GADL1: variants seen among roughly 807,000 people sequenced by gnomAD.
The protein encoded by GADL1 is acidic amino acid decarboxylase GADL1.
GADL1 carries 71 observed loss-of-function variants against 69.5 expected under a neutral mutation model. The observed-to-expected ratio is 1.02, with a 90% CI of 0.84 to 1.25. The LOEUF (loss-of-function observed/expected upper bound fraction) is 1.25. Among genes scored for constraint, GADL1 ranks in the 50% most tolerant of loss-of-function variants. The pLI is 0.00. For synonymous variants in GADL1, 254 were observed against 214.4 expected (o/e 1.18, Z -1.62); for missense variants, 737 against 631.8 (o/e 1.17, Z -1.79).
intron 14 of GADL1, among the ~76,000 whole-genome samples, chr3:30,749,932 C>T (rs1466104460): frequency 6.6e-6 from 1 of 152,124 alleles, no homozygotes; most frequent in Non-Finnish European, 1.5e-5. Flanking sequence ...TATTCTACAG[C>T]CAATGATGAG....
intron 11 of GADL1, among the ~76,000 whole-genome samples, chr3:30,819,015 G>A (rs1281717373): frequency 1.3e-5 from 2 of 152,046 alleles, no homozygotes; most frequent in African/African-American, 4.8e-5. Context: ...CAGGAACACA[G>A]GGGGCTATCC....
chr3:30,766,129 T>C (rs1481191724), intron 14 of GADL1, among the ~76,000 whole-genome samples: 1 of 152,166 alleles, frequency 6.6e-6, no homozygotes, highest in Non-Finnish European at 1.5e-5. Context: ...AAAGACTGCA[T>C]CATTCCCCAT....
At chr3:30,814,390 C>T (rs974279291) in intron 11 of GADL1, among the ~76,000 whole-genome samples, 4 of 152,180 alleles carry the variant, frequency 2.6e-5, no homozygotes, top group East Asian at 3.9e-4. Flanking sequence ...CAAGTGAGTA[C>T]ACCTTATATA....
Position 30,728,322 on chromosome 3 carries a change from C to T in GADL1, c.1486G>A (p.Val496Met). The T allele has an allele frequency of 6.2e-7, 1 of 1,613,932 alleles. No individual in the cohort carries two copies. The highest frequency in any genetic ancestry group is 8.5e-7 in the Non-Finnish European group (1 of 1,179,868). The stretch of plus-strand genomic sequence containing the variant: ...CGGCTCACTTGAGGGCTGATCACCA[C>T]CTGGCGGAAGAAGTTGACCTTTCCC... ...HRGKVNFFRQ[V>M]VISPQVSRED... The change falls in exon 15 of 15, where the codon GTG becomes ATG. Residue 496 changes from valine (V) to methionine (M), a missense_variant. Coordinates refer to ENST00000282538, the MANE Select transcript of GADL1 (RefSeq NM_207359.3).
intron 14 of GADL1, among the ~76,000 whole-genome samples, chr3:30,774,393 AAT>A (rs1185403400): frequency 6.6e-6 from 1 of 152,182 alleles, no homozygotes; most frequent in African/African-American, 2.4e-5. Context: ...GGCCATTTTT[AAT>A]AGTTTTCTAC....
chr3:30,808,369 A>C (rs1047185358), intron 11 of GADL1, among the ~76,000 whole-genome samples: 6 of 152,006 alleles, frequency 3.9e-5, no homozygotes, highest in Non-Finnish European at 7.4e-5. Context: ...TGGTGGTTGC[A>C]TGCCTGTAAT....
At chr3:30,798,646 T>C (rs1345028310) in intron 12 of GADL1, 3 of 152,064 alleles carry the variant, frequency 2.0e-5, no homozygotes, top group Non-Finnish European at 4.4e-5. Flanking sequence ...TCAAAACCAA[T>C]CACACCTTCC....
intron 8 of GADL1, 54 bp downstream of exon 8, chr3:30,844,156 G>A (rs1188987347): frequency 3.0e-6 from 4 of 1,348,930 alleles, no homozygotes; most frequent in Non-Finnish European, 4.2e-6. Flanking sequence ...TAAGCGCGCG[G>A]GCGTGCGCGC....
rs780540755 is a variant in GADL1 at position 30,839,049 on chromosome 3, A to G, written c.851T>C (p.Leu284Pro). Reference protein sequence around the residue: ...GTTVLGAFDPLDEIADICERH... With the variant: ...GTTVLGAFDPPDEIADICERH... Reference sequence around the variant, plus strand: ...CTCGCAGATGTCTGCTATTTCATCCAGAGGGTCAAAAGCTCCCAACACAGT... The same window carrying G: ...CTCGCAGATGTCTGCTATTTCATCCGGAGGGTCAAAAGCTCCCAACACAGT... Residue 284 changes from leucine (L) to proline (P), a missense_variant, in exon 9 of 15, where the codon CTG (leucine) becomes CCG (proline). Coordinates refer to ENST00000282538, the MANE Select transcript of GADL1 (RefSeq NM_207359.3). The G allele has an allele frequency of 4.4e-6, 7 of 1,607,626 alleles. No individual in the cohort carries two copies. The highest frequency in any genetic ancestry group is 5.1e-6 in the Non-Finnish European group (6 of 1,177,508).
chr3:30,795,030 G>C (rs1255381157), intron 12 of GADL1, among the ~76,000 whole-genome samples: 1 of 152,144 alleles, frequency 6.6e-6, no homozygotes, highest in African/African-American at 2.4e-5. Flanking sequence ...TTAGCTATAA[G>C]AGCCTGCCAA....
chr3:30,771,678 T>C (rs1442686080), intron 14 of GADL1, among the ~76,000 whole-genome samples: 1 of 152,242 alleles, frequency 6.6e-6, no homozygotes, highest in Admixed American at 6.5e-5. Context: ...GAACATTTTT[T>C]AAAGTGCTGC....
chr3:30,789,828 T>C (rs1018766593), intron 12 of GADL1, among the ~76,000 whole-genome samples: 2 of 152,318 alleles, frequency 1.3e-5, no homozygotes, highest in Admixed American at 6.5e-5. Context: ...TCAGCCTTCA[T>C]AGAACTGGAG....
chr3:30,754,099 C>A (rs1230557150), intron 14 of GADL1, among the ~76,000 whole-genome samples: 1 of 152,190 alleles, frequency 6.6e-6, no homozygotes, highest in Non-Finnish European at 1.5e-5. Flanking sequence ...CCTGAAAAAG[C>A]GTCTGATTGC....
chr3:30,797,286 C>A (rs910006671), intron 12 of GADL1, among the ~76,000 whole-genome samples: 1 of 152,236 alleles, frequency 6.6e-6, no homozygotes, highest in Admixed American at 6.5e-5. Context: ...AGGGGGAAAA[C>A]AATTGTTGTT....
At chr3:30,770,745 T>C (rs1696397919) in intron 14 of GADL1, among the ~76,000 whole-genome samples, 2 of 152,138 alleles carry the variant, frequency 1.3e-5, no homozygotes, top group Non-Finnish European at 2.9e-5. Context: ...CATTCTTTAT[T>C]TTAATTTTCA....
intron 14 of GADL1, among the ~76,000 whole-genome samples, chr3:30,762,291 G>GA (rs1344637090): frequency 6.6e-6 from 1 of 152,016 alleles, no homozygotes; most frequent in Admixed American, 6.6e-5. Context: ...GAGAAGTGAG[G>GA]ACATATGCTT....
chr3:30,851,712 C>T (rs1055819779), intron 4 of GADL1, among the ~76,000 whole-genome samples: 1 of 152,098 alleles, frequency 6.6e-6, no homozygotes, highest in African/African-American at 2.4e-5. Context: ...CTTGAAGGGC[C>T]ACTGTAGTTC....
At chr3:30,761,867 C>T (rs1696142423) in intron 14 of GADL1, among the ~76,000 whole-genome samples, 1 of 152,112 alleles carries the variant, frequency 6.6e-6, no homozygotes, top group South Asian at 2.1e-4. Flanking sequence ...AACAGCACAA[C>T]ACAAATGCTG....
chr3:30,811,661 A>AT (rs1559506624), intron 11 of GADL1, among the ~76,000 whole-genome samples: 2 of 152,150 alleles, frequency 1.3e-5, no homozygotes, highest in Admixed American at 6.5e-5. Context: ...GTGCATACTG[A>AT]TTTTTTCTAT....
Sources: gnomAD v4.1 joint callset for allele counts (sites outside exome capture counted in the v4.1 genomes callset) on GRCh38, gnomAD v4.1.1 for gene constraint, MANE v1.5 for transcripts, NCBI Gene and HGNC (gene_info 2026-07-23, HGNC 2026-07-21) for gene names.